The following SEMA4D variants were observed in gnomAD, a reference collection of about 807,000 sequenced individuals.
SEMA4D encodes semaphorin-4D.
In SEMA4D, 22 loss-of-function variants were observed where a neutral mutation model predicts 74.8. The observed-to-expected ratio is 0.29, with a 90% confidence interval of 0.21 to 0.42. SEMA4D has a LOEUF of 0.42. SEMA4D is among the 10% of genes least tolerant of loss of function. The pLI is 1.00. For missense variants in SEMA4D, 937 were observed against 1,118.4 expected, an observed-to-expected ratio of 0.84 and a Z score of 2.31; for synonymous variants, 445 against 463.7, an observed-to-expected ratio of 0.96 and a Z score of 0.52.
intron 13 of SEMA4D, chr9:89,384,701 G>A: frequency 1.0e-6 from 1 of 985,450 alleles, no homozygotes; most frequent in Non-Finnish European, 1.2e-6. Context: ...GGGGAGAGGA[G>A]GTGAGGGTGG....
chr9:89,437,343 G>A (rs4073713), intron 2 of SEMA4D, among the ~76,000 whole-genome samples: 40,415 of 152,068 alleles, frequency 0.27, 5,916 homozygotes, highest in African/African-American at 0.36. Flanking sequence ...AAGGAAGCGC[G>A]ATGCAGTGAG....
chr9:89,390,530 C>G (rs573209700), intron 9 of SEMA4D, among the ~76,000 whole-genome samples: 1 of 152,174 alleles, frequency 6.6e-6, no homozygotes. Flanking sequence ...CACTTTTGTG[C>G]GCCATAGGCA....
chr9:89,431,645 G>A (rs1050698421), intron 2 of SEMA4D, among the ~76,000 whole-genome samples: 3 of 152,122 alleles, frequency 2.0e-5, no homozygotes, highest in Non-Finnish European at 2.9e-5. Flanking sequence ...CTACAGGCGT[G>A]AGCCATCATG....
chr9:89,488,840 T>C (rs1825403732), intron 1 of SEMA4D, among the ~76,000 whole-genome samples: 1 of 152,104 alleles, frequency 6.6e-6, no homozygotes, highest in Admixed American at 6.5e-5. Flanking sequence ...TTGAAAGATA[T>C]AACGGATAAA....
chr9:89,453,736 A>G (rs1855207083), intron 2 of SEMA4D, among the ~76,000 whole-genome samples: 1 of 152,178 alleles, frequency 6.6e-6, no homozygotes, highest in Admixed American at 6.5e-5. Flanking sequence ...GGGAACCACA[A>G]TGCCTGCTTT....
chr9:89,443,222 T>C lies in SEMA4D; in HGVS notation c.-244+12666A>G, dbSNP rs1036273942. ...ATTATGACCACCCACACTACCCCCC[T>C]GGACAGAGGCCGGGTCGCGAGGTGC... On this transcript the variant is annotated intron_variant, in intron 2 of 15. Coordinates refer to ENST00000422704, the MANE Select transcript of SEMA4D (RefSeq NM_001371194.2). Among the ~76,000 whole-genome samples the C allele has an allele frequency of 2.6e-5, 4 of 152,222 alleles. No homozygotes were observed. In the East Asian group the frequency reaches 7.7e-4, roughly 29 times the overall value.
chr9:89,459,826 A>G (rs1457497003), intron 1 of SEMA4D, among the ~76,000 whole-genome samples: 1 of 152,216 alleles, frequency 6.6e-6, no homozygotes, highest in Non-Finnish European at 1.5e-5. Context: ...TTGAGGGCCC[A>G]TGTGGCTAAC....
chr9:89,379,560 T>G lies in SEMA4D; in HGVS notation c.1733A>C (p.Gln578Pro), dbSNP rs770745781. ...HGGTAELKCSQKSNLARVFWK... is the reference protein window; with the variant it reads ...HGGTAELKCSPKSNLARVFWK... ...AAAGACCCGGGCCAGGTTGGATTTT[T>G]GGGAGCATTTCAGTTCCGCTGTGCC... The change falls in exon 16 of 16, where the codon CAA (glutamine) becomes CCA (proline). Residue 578 changes from glutamine (Q) to proline (P), a missense_variant. By Grantham distance (76) the Gln-to-Pro change is moderately conservative. Coordinates refer to ENST00000422704, the MANE Select transcript of SEMA4D (RefSeq NM_001371194.2). 1 of 1,614,242 alleles carries G rather than the reference T, an allele frequency of 6.2e-7. No individual in the cohort carries two copies. The highest frequency in any genetic ancestry group is 8.5e-7 in the Non-Finnish European group (1 of 1,180,036).
intron 1 of SEMA4D, among the ~76,000 whole-genome samples, chr9:89,464,955 ATC>A (rs1010858266): frequency 1.2e-4 from 18 of 152,210 alleles, no homozygotes; most frequent in Admixed American, 8.5e-4. Flanking sequence ...ATTTGGATGC[ATC>A]TCTGTTTTTG....
chr9:89,462,985 A>AGGG (rs796527294), intron 1 of SEMA4D, among the ~76,000 whole-genome samples: 22 of 122,964 alleles, frequency 1.8e-4, no homozygotes, highest in Non-Finnish European at 3.1e-4. Flanking sequence ...GGAGCGAGGG[A>AGGG]GAAAGAGAGG....
chr9:89,456,780 G>A (rs993727012), intron 1 of SEMA4D, among the ~76,000 whole-genome samples: 7 of 152,146 alleles, frequency 4.6e-5, no homozygotes, highest in Non-Finnish European at 8.8e-5. Context: ...AGTAGAGACG[G>A]GGTTTCACCA....
At chr9:89,453,128 G>C (rs1296138269) in intron 2 of SEMA4D, among the ~76,000 whole-genome samples, 2 of 152,166 alleles carry the variant, frequency 1.3e-5, no homozygotes, top group Non-Finnish European at 2.9e-5. Flanking sequence ...CAGCTCCTAT[G>C]AACAGGGCTC....
At chr9:89,457,959 G>C (rs1366927982) in intron 1 of SEMA4D, among the ~76,000 whole-genome samples, 4 of 151,672 alleles carry the variant, frequency 2.6e-5, no homozygotes, top group African/African-American at 9.7e-5. Flanking sequence ...CTAGAACCCA[G>C]GAGCCGGAGG....
At chr9:89,444,787 C>T (rs1193038262) in intron 2 of SEMA4D, among the ~76,000 whole-genome samples, 3 of 151,920 alleles carry the variant, frequency 2.0e-5, no homozygotes, top group Non-Finnish European at 4.4e-5. Flanking sequence ...GAGACATATT[C>T]GACCATAAAA....
intron 2 of SEMA4D, among the ~76,000 whole-genome samples, chr9:89,436,084 C>T (rs1587870756): frequency 6.6e-6 from 1 of 152,248 alleles, no homozygotes; most frequent in Middle Eastern, 3.4e-3. Flanking sequence ...CTTCTGTTGT[C>T]TTCAAAGCAC....
chr9:89,458,756 T>C (rs776424346), intron 1 of SEMA4D, among the ~76,000 whole-genome samples: 2 of 151,744 alleles, frequency 1.3e-5, no homozygotes, highest in African/African-American at 2.4e-5. Context: ...CACACACATA[T>C]ACATATATGC....
chr9:89,442,457 C>T (rs1332986157), intron 2 of SEMA4D, among the ~76,000 whole-genome samples: 1 of 152,150 alleles, frequency 6.6e-6, no homozygotes, highest in Non-Finnish European at 1.5e-5. Flanking sequence ...TGTAAGAAAA[C>T]CATGCAGCAG....
intron 3 of SEMA4D, among the ~76,000 whole-genome samples, chr9:89,404,734 T>C (rs7046854): frequency 0.23 from 23,484 of 102,666 alleles, 2,681 homozygotes; most frequent in African/African-American, 0.37. Flanking sequence ...GTGGGGTCCC[T>C]GTCCCATTCT....
chr9:89,489,365 T>C (rs1158684564), intron 1 of SEMA4D, among the ~76,000 whole-genome samples: 1 of 152,238 alleles, frequency 6.6e-6, no homozygotes, highest in Non-Finnish European at 1.5e-5. Context: ...GGTAAAATAC[T>C]CGTAAGATAA....
Sources: allele counts gnomAD v4.1 joint callset (sites outside exome capture counted in the v4.1 genomes callset), GRCh38; gene constraint gnomAD v4.1.1; transcripts MANE v1.5; gene names NCBI Gene and HGNC (gene_info 2026-07-23, HGNC 2026-07-21).